The following SLX9 variants were observed in gnomAD, a reference collection of about 807,000 sequenced individuals.
SLX9 encodes the protein SLX9 ribosome biogenesis factor.
Under a neutral mutation model 20.8 loss-of-function variants are expected in SLX9, and 19 were observed. That is an observed-to-expected ratio of 0.91 (90% confidence interval 0.64 to 1.34). SLX9 has a LOEUF of 1.34. SLX9 is among the 40% of genes most tolerant of loss of function. SLX9 has a pLI of 0.00. For missense variants in SLX9, 299 were observed against 322.2 expected (o/e 0.93, Z 0.55); for synonymous variants, 113 against 137.1 (o/e 0.82, Z 1.23).
In SLX9 at chr21:44,967,026, T is replaced by A; in HGVS notation, c.353-8T>A. The A allele has an allele frequency of 3.7e-6, 6 of 1,606,710 alleles. No homozygotes were observed. Among genetic ancestry groups the A allele is most frequent in the Non-Finnish European group, 5.1e-6 (6 of 1,177,444 alleles). On this transcript the variant is annotated splice_polypyrimidine_tract_variant and splice_region_variant and intron_variant, in intron 3 of 5. Transcript: ENST00000291634. Reference sequence around the variant, plus strand: ...TGTTTGCCTCTAACGTCGTTTCTCCTTCCTTAGAAATCGAAGCCATAAAAC... The same window carrying A: ...TGTTTGCCTCTAACGTCGTTTCTCCATCCTTAGAAATCGAAGCCATAAAAC...
chr21:44,943,559 C>A (rs141904199), intron 1 of SLX9, 125 bp from the exon 2 acceptor site: 2 of 1,333,056 alleles, frequency 1.5e-6, no homozygotes, highest in African/African-American at 1.5e-5. Context: ...CAGGTCCTCC[C>A]GGGCAGAGAA....
chr21:44,955,205 C>CT (rs1414181035), intron 2 of SLX9, among the ~76,000 whole-genome samples: 1 of 44,662 alleles, frequency 2.2e-5, no homozygotes, highest in Non-Finnish European at 4.1e-5. Flanking sequence ...GGGACTTTGT[C>CT]TCAAAAAAAA....
At chr21:44,953,154 A>G (rs575800825) in intron 2 of SLX9, among the ~76,000 whole-genome samples, 1 of 151,006 alleles carries the variant, frequency 6.6e-6, no homozygotes, top group African/African-American at 2.4e-5. Context: ...CTCCTCATTC[A>G]CTCCTCAGAC....
At chr21:44,949,311 G>C (rs978120453) in intron 2 of SLX9, among the ~76,000 whole-genome samples, 1 of 152,098 alleles carries the variant, frequency 6.6e-6, no homozygotes, top group East Asian at 1.9e-4. Flanking sequence ...GTGGGCCCTG[G>C]GCCCTGGGCC....
At chr21:44,945,618 G>A (rs899819433) in intron 2 of SLX9, among the ~76,000 whole-genome samples, 1 of 152,218 alleles carries the variant, frequency 6.6e-6, no homozygotes, top group Non-Finnish European at 1.5e-5. Context: ...GCAACATCTG[G>A]CCTCGCAGCG....
At chr21:44,967,740 C>T (rs140280232) in intron 4 of SLX9, among the ~76,000 whole-genome samples, 1,572 of 152,266 alleles carry the variant, frequency 0.01, 32 homozygotes, top group Non-Finnish European at 0.013. Context: ...GTGTGGTGAG[C>T]GTGTGGGACC....
At chr21:44,948,308 G>C in intron 2 of SLX9, among the ~76,000 whole-genome samples, 1 of 136,874 alleles carries the variant, frequency 7.3e-6, no homozygotes, top group Admixed American at 6.9e-5. Flanking sequence ...CGGGCGGTCC[G>C]GGGAGCTGGT....
At chr21:44,947,108 G>GT (rs973947950) in intron 2 of SLX9, among the ~76,000 whole-genome samples, 6 of 152,174 alleles carry the variant, frequency 3.9e-5, no homozygotes, top group Non-Finnish European at 5.9e-5. Flanking sequence ...GAACAGTTCT[G>GT]TTTTTTTGGT....
chr21:44,964,739 C>T (rs566687017), intron 3 of SLX9, among the ~76,000 whole-genome samples: 3 of 152,230 alleles, frequency 2.0e-5, no homozygotes, highest in African/African-American at 7.2e-5. Context: ...TCCTCGAACA[C>T]TCGATATTAT....
At chr21:44,974,739 C>T (rs993987912) in intron 5 of SLX9, among the ~76,000 whole-genome samples, 35 of 152,164 alleles carry the variant, frequency 2.3e-4, no homozygotes, top group Middle Eastern at 3.2e-3. Flanking sequence ...TCTTTGGTTT[C>T]TGCTTCTCTG....
Position 44,940,090 on chromosome 21 carries a change from G to A in SLX9, c.33G>A (p.Val11=). 1 of 1,452,282 alleles carries A rather than the reference G, an allele frequency of 6.9e-7. No homozygotes were observed. Among genetic ancestry groups the A allele is most frequent in the Middle Eastern group, 2.4e-4 (1 of 4,126 alleles). 90.0% of individuals were successfully genotyped at this position (1,452,282 alleles called of 1,614,324 possible). A position where few individuals can be genotyped will look rare whatever the true frequency, so the allele number is the denominator to read the frequency against. MGKVRGLRAR[V]HQAAVRPKGE... ...AAGTGAGGGGGTTGCGCGCCCGAGT[G>A]CACCAGGCTGCCGTGAGGCCGAAAG... is the stretch of plus-strand genomic sequence containing the variant. Residue 11 remains valine, a synonymous_variant, in exon 1 of 6, where the codon GTG becomes GTA. Transcript: ENST00000291634.
chr21:44,964,171 T>G (rs1311792889), intron 3 of SLX9, among the ~76,000 whole-genome samples: 3 of 152,254 alleles, frequency 2.0e-5, no homozygotes, highest in African/African-American at 7.2e-5. Flanking sequence ...AATGCAGTTT[T>G]TTCTCAGCTC....
At chr21:44,956,880 T>C (rs1003087405) in intron 2 of SLX9, among the ~76,000 whole-genome samples, 1 of 152,184 alleles carries the variant, frequency 6.6e-6, no homozygotes, top group Non-Finnish European at 1.5e-5. Context: ...CTGAGGCTGG[T>C]TTACCGCGTC....
intron 3 of SLX9, among the ~76,000 whole-genome samples, chr21:44,960,778 T>A (rs1018243660): frequency 6.6e-6 from 1 of 152,240 alleles, no homozygotes; most frequent in African/African-American, 2.4e-5. Flanking sequence ...AAGCCACACT[T>A]CCCACTCAGG....
At chr21:44,974,873 G>A (rs1033402214) in intron 5 of SLX9, among the ~76,000 whole-genome samples, 6 of 152,228 alleles carry the variant, frequency 3.9e-5, no homozygotes, top group African/African-American at 1.4e-4. Flanking sequence ...TGCACAGCCT[G>A]GTCCGGGGAG....
chr21:44,956,971 G>A (rs760808544), intron 2 of SLX9, among the ~76,000 whole-genome samples: 7 of 152,248 alleles, frequency 4.6e-5, no homozygotes, highest in Admixed American at 1.3e-4. Context: ...CTGGCGAGGC[G>A]GTTGCCTTGC....
chr21:44,969,113 G>A (rs1353057661), intron 4 of SLX9: 2 of 462,870 alleles, frequency 4.3e-6, no homozygotes, highest in African/African-American at 4.0e-5. Context: ...TGGGCAGAAA[G>A]CAGGGGCTGT....
chr21:44,949,693 G>A lies in SLX9; in HGVS notation c.283+5856G>A, dbSNP rs144416191. Among the ~76,000 whole-genome samples the A allele has an allele frequency of 2.6e-4, 39 of 152,262 alleles. No homozygotes were observed. The East Asian group carries it at 7.4e-3, about 29-fold the overall frequency. Reference sequence around the variant, plus strand: ...CCTGCTGCTGCTGTCAGTGGAACACGTCTGCGTCTGCAGGCGTGTTGGACT... The same window carrying A: ...CCTGCTGCTGCTGTCAGTGGAACACATCTGCGTCTGCAGGCGTGTTGGACT... On this transcript the variant is annotated intron_variant, in intron 2 of 5. Transcript: ENST00000291634.
chr21:44,940,167 C>A lies in SLX9; in HGVS notation c.110C>A (p.Pro37Gln). 7.9e-7 allele frequency: 1 copy of A among 1,270,804 alleles called. No individual in the cohort carries two copies. The allele number at this position is 1,270,804 out of a possible 1,614,324, so 78.7% of individuals were successfully genotyped here. ...APPAPEATPP[P>Q]ASAAGKDWAF... ...CCTGCCCCGGAGGCGACCCCTCCGC[C>A]GGCCTCGGCCGCGGGGAAGGTGAGC... The change falls in exon 1 of 6, where the codon CCG (proline) becomes CAG (glutamine). Residue 37 changes from proline to glutamine, a missense_variant. Coordinates refer to ENST00000291634, the MANE Select transcript of SLX9 (RefSeq NM_058190.4).
Sources: gnomAD v4.1 joint callset for allele counts (sites outside exome capture counted in the v4.1 genomes callset) on GRCh38, gnomAD v4.1.1 for gene constraint, MANE v1.5 for transcripts, NCBI Gene and HGNC (gene_info 2026-07-23, HGNC 2026-07-21) for gene names.